RPRD2: variants seen among roughly 807,000 people sequenced by gnomAD.
RPRD2 encodes regulation of nuclear pre-mRNA domain containing 2, also known as regulation of nuclear pre-mRNA domain-containing protein 2.
In RPRD2, 12 loss-of-function variants were observed where a neutral mutation model predicts 104.4. The observed-to-expected ratio is 0.11, with a 90% CI of 0.07 to 0.19. The LOEUF is 0.19. Among genes scored for constraint, RPRD2 ranks in the 10% least tolerant of loss-of-function variants. RPRD2 has a pLI of 1.00. For missense variants in RPRD2, 1,543 were observed against 1,790.1 expected, an observed-to-expected ratio of 0.86 and a Z score of 2.49; for synonymous variants, 714 against 684.9, an observed-to-expected ratio of 1.04 and a Z score of -0.66.
At position 150,413,114 on chromosome 1, in the gene RPRD2, G is replaced by A. The variant is rs1664065344; in HGVS notation, c.206-4482G>A. Reference sequence around the variant, plus strand: ...AGGGGTGGTTCAGGTCAACGGTGATGAAACCCAGAAAACAGCAATAGTAGG... The same window carrying A: ...AGGGGTGGTTCAGGTCAACGGTGATAAAACCCAGAAAACAGCAATAGTAGG... On this transcript the variant is annotated intron_variant, in intron 1 of 10. Coordinates refer to ENST00000369068, the MANE Select transcript of RPRD2 (RefSeq NM_015203.5). Among the ~76,000 whole-genome samples the A allele has an allele frequency of 2.0e-5, 3 of 152,146 alleles. No individual in the cohort carries two copies. In the South Asian group the frequency reaches 6.2e-4, roughly 32 times the overall value.
chr1:150,365,179 G>T (rs1212615792), intron 1 of RPRD2, among the ~76,000 whole-genome samples: 1 of 152,168 alleles, frequency 6.6e-6, no homozygotes, highest in Non-Finnish European at 1.5e-5. Flanking sequence ...GGAGATTTAC[G>T]TATATTGTTT....
intron 8 of RPRD2, among the ~76,000 whole-genome samples, chr1:150,458,987 A>AC (rs1349560426): frequency 6.6e-6 from 1 of 152,114 alleles, no homozygotes; most frequent in Non-Finnish European, 1.5e-5. Flanking sequence ...ATTTAAACTT[A>AC]CATATGTGGC....
chr1:150,373,908 A>T (rs1227356088), intron 1 of RPRD2, among the ~76,000 whole-genome samples: 6 of 152,160 alleles, frequency 3.9e-5, no homozygotes, highest in Non-Finnish European at 7.4e-5. Context: ...GAAGAGGTCC[A>T]GAGAGAAGGC....
At chr1:150,365,597 C>CT (rs200042685) in intron 1 of RPRD2, among the ~76,000 whole-genome samples, 1,806 of 151,414 alleles carry the variant, frequency 0.012, 16 homozygotes, top group Non-Finnish European at 0.019. Flanking sequence ...TCCAGTTCCT[C>CT]TTTTTTTTTG....
Position 150,460,393 on chromosome 1 carries a change from G to A in RPRD2, c.1411+76G>A. 4 of 1,351,458 alleles carry A rather than the reference G, an allele frequency of 3.0e-6. No homozygotes were observed. The East Asian group carries it at 7.5e-5, about 25-fold the overall frequency. 83.7% of individuals were successfully genotyped at this position (1,351,458 alleles called of 1,614,324 possible). On this transcript the variant is annotated intron_variant, in intron 9 of 10. Coordinates refer to ENST00000369068, the MANE Select transcript of RPRD2 (RefSeq NM_015203.5). ...TTGAATCATTAATCTGTTTTTGGGG[G>A]GGTTGTTGTTGTTGTTGTTGTTGTT...
chr1:150,431,485 T>TTGTTTGTTTGTTTGTTTG (rs1473167455), intron 2 of RPRD2, among the ~76,000 whole-genome samples: 1 of 141,954 alleles, frequency 7.0e-6, no homozygotes, highest in African/African-American at 2.6e-5. Context: ...TTTTTTTTTT[T>TTGTTTGTTTGTTTGTTTG]TTTTTTTTTT....
intron 2 of RPRD2, among the ~76,000 whole-genome samples, chr1:150,433,439 A>ATTTTTTTTTTTTT (rs58544799): frequency 2.2e-5 from 2 of 90,398 alleles, no homozygotes; most frequent in African/African-American, 9.2e-5. Flanking sequence ...CACAGACATA[A>ATTTTTTTTTTTTT]TTTTTTTTTT....
At chr1:150,368,266 GTTT>G (rs1197833035) in intron 1 of RPRD2, among the ~76,000 whole-genome samples, 4 of 114,228 alleles carry the variant, frequency 3.5e-5, no homozygotes, top group Non-Finnish European at 7.4e-5. Context: ...ACATGTATCT[GTTT>G]TTTATTTATT....
At chr1:150,441,758 GGAAA>G (rs1306795723) in intron 3 of RPRD2, 119 bp from the exon 4 acceptor site, 12 of 550,438 alleles carry the variant, frequency 2.2e-5, no homozygotes, top group South Asian at 1.5e-4. Context: ...TGAAAGAAAA[GGAAA>G]GAAAGAAACA....
At chr1:150,382,407 CAG>C (rs2102136574) in intron 1 of RPRD2, among the ~76,000 whole-genome samples, 1 of 152,214 alleles carries the variant, frequency 6.6e-6, no homozygotes, top group South Asian at 2.1e-4. Flanking sequence ...TGTTTTGAGA[CAG>C]AGTTTGGCTC....
intron 1 of RPRD2, among the ~76,000 whole-genome samples, chr1:150,381,504 ATTTT>A (rs35623676): frequency 1.4e-5 from 2 of 138,392 alleles, no homozygotes; most frequent in African/African-American, 2.7e-5. Flanking sequence ...ATAGGACACA[ATTTT>A]TTTTTTTTTT....
chr1:150,406,244 A>C (rs1172069003), intron 1 of RPRD2, among the ~76,000 whole-genome samples: 2 of 152,198 alleles, frequency 1.3e-5, no homozygotes, highest in African/African-American at 2.4e-5. Context: ...TTCCGTTGAC[A>C]GCAGTCAGGT....
intron 2 of RPRD2, among the ~76,000 whole-genome samples, chr1:150,437,782 G>A (rs111400442): frequency 0.048 from 7,222 of 151,656 alleles, 437 homozygotes; most frequent in African/African-American, 0.13. Flanking sequence ...GTTTCGCCAC[G>A]TTGCCCAGGC....
intron 1 of RPRD2, among the ~76,000 whole-genome samples, chr1:150,389,782 A>G (rs1236885318): frequency 6.6e-6 from 1 of 152,200 alleles, no homozygotes; most frequent in Non-Finnish European, 1.5e-5. Flanking sequence ...CTAAAAAAGT[A>G]AGGGAGGTTT....
intron 1 of RPRD2, among the ~76,000 whole-genome samples, chr1:150,415,057 G>A (rs1283587304): frequency 6.6e-6 from 1 of 152,138 alleles, no homozygotes; most frequent in African/African-American, 2.4e-5. Context: ...GGGTGCGGTG[G>A]CTTATGCCTG....
chr1:150,383,853 A>G (rs999779715), intron 1 of RPRD2, among the ~76,000 whole-genome samples: 1 of 152,214 alleles, frequency 6.6e-6, no homozygotes, highest in Admixed American at 6.5e-5. Flanking sequence ...TCAGATTGCC[A>G]TATGTAGCAC....
At position 150,473,575 on chromosome 1, in the gene RPRD2, AAAAAGT is replaced by A. The variant is rs1392671516; in HGVS notation, c.*245_*250del. On this transcript the variant is annotated 3_prime_UTR_variant, in exon 11 of 11. Transcript: ENST00000369068. ...TTGTATTAAAAAAAAAAAAAAAAAA[AAAAAGT>A]AAAGAAACACAACCAAAGCCATTTC... 711 of 239,872 alleles carry A rather than the reference AAAAAGT, an allele frequency of 3.0e-3. 5 individuals are homozygous for A. Among genetic ancestry groups the A allele is most frequent in the Non-Finnish European group, 4.3e-3 (519 of 120,488 alleles). 14.9% of individuals were successfully genotyped at this position (239,872 alleles called of 1,614,324 possible).
intron 2 of RPRD2, among the ~76,000 whole-genome samples, chr1:150,438,115 C>T (rs947082099): frequency 2.7e-5 from 4 of 150,274 alleles, no homozygotes; most frequent in African/African-American, 9.8e-5. Flanking sequence ...AACCCCATCT[C>T]AACTAAAAAA....
intron 4 of RPRD2, among the ~76,000 whole-genome samples, chr1:150,442,594 G>T (rs949541336): frequency 6.6e-6 from 1 of 152,166 alleles, no homozygotes; most frequent in African/African-American, 2.4e-5. Context: ...ATTGGGAGGT[G>T]AAACGAGATA....
Sources: allele counts gnomAD v4.1 joint callset (sites outside exome capture counted in the v4.1 genomes callset), GRCh38; gene constraint gnomAD v4.1.1; transcripts MANE v1.5; gene names NCBI Gene and HGNC (gene_info 2026-07-23, HGNC 2026-07-21).